Variants in KLHL1 observed in about 807,000 individuals in gnomAD.
KLHL1 encodes kelch-like protein 1.
In KLHL1, 47 loss-of-function variants were observed where a neutral mutation model predicts 77.7. The ratio of observed to expected loss-of-function variants is 0.60; its 90% CI spans 0.48 to 0.77. The LOEUF (loss-of-function observed/expected upper bound fraction) is 0.77. Ranked by LOEUF, KLHL1 falls within the 30% of genes least tolerant of loss-of-function variation. The pLI, the probability that KLHL1 is intolerant of heterozygous loss-of-function variation, is 0.00. For missense variants in KLHL1, 925 were observed against 910.8 expected (o/e 1.02, Z -0.20); for synonymous variants, 360 against 325.2 (o/e 1.11, Z -1.15).
chr13:69,763,583 T>A (rs994779008), intron 7 of KLHL1, among the ~76,000 whole-genome samples: 1 of 152,228 alleles, frequency 6.6e-6, no homozygotes, highest in African/African-American at 2.4e-5. Context: ...AACCTATGAA[T>A]GATGTGCTGA....
At chr13:70,018,896 A>G (rs985029184) in intron 1 of KLHL1, among the ~76,000 whole-genome samples, 1 of 152,230 alleles carries the variant, frequency 6.6e-6, no homozygotes, top group African/African-American at 2.4e-5. Context: ...GGACAGGAGG[A>G]AACAGAAGAG....
chr13:69,724,028 G>T (rs2137902226), intron 8 of KLHL1, among the ~76,000 whole-genome samples: 1 of 152,054 alleles, frequency 6.6e-6, no homozygotes, highest in African/African-American at 2.4e-5. Context: ...AGTAAAAACA[G>T]GGTTTCACCA....
rs1406841366 is a variant in KLHL1, at chr13:69,779,798, A to ATTTAT, written c.1639+16935_1639+16939dup. Among the ~76,000 whole-genome samples the ATTTAT allele has an allele frequency of 9.9e-3, 1,506 of 151,694 alleles. 31 individuals carry two copies. The highest frequency in any genetic ancestry group is 0.034 in the African/African-American group (1,406 of 41,390). ...ATTTCCTATGCAAAATTTATTTTTT[A>ATTTAT]TTTATTTTATTTTATTTTATTTTAT... On this transcript the variant is annotated intron_variant, in intron 7 of 10. Transcript: ENST00000377844.
chr13:70,003,005 A>G (rs1338991867), intron 1 of KLHL1, among the ~76,000 whole-genome samples: 1 of 151,706 alleles, frequency 6.6e-6, no homozygotes, highest in Non-Finnish European at 1.5e-5. Context: ...TAGATATGCA[A>G]ATAAATAATA....
chr13:69,744,663 C>A (rs948711979), intron 7 of KLHL1, among the ~76,000 whole-genome samples: 3 of 151,688 alleles, frequency 2.0e-5, no homozygotes, highest in Admixed American at 1.3e-4. Flanking sequence ...GGTACACCCC[C>A]CCCAAAAGCT....
intron 1 of KLHL1, among the ~76,000 whole-genome samples, chr13:69,992,147 T>G (rs1028473786): frequency 6.6e-6 from 1 of 152,002 alleles, no homozygotes; most frequent in African/African-American, 2.4e-5. Flanking sequence ...AAACACTTCA[T>G]TTTATGAAAT....
chr13:69,759,869 A>G (rs1335858889), intron 7 of KLHL1, among the ~76,000 whole-genome samples: 2 of 152,194 alleles, frequency 1.3e-5, no homozygotes, highest in African/African-American at 2.4e-5. Flanking sequence ...TTGCCAGGCA[A>G]AGCACCTGAA....
At chr13:69,863,337 T>G (rs746107999) in intron 5 of KLHL1, among the ~76,000 whole-genome samples, 2 of 99,552 alleles carry the variant, frequency 2.0e-5, no homozygotes, top group Admixed American at 1.9e-4. Context: ...AGGAAGCAAA[T>G]AGAATAGAAA....
chr13:70,020,977 A>T (rs1435905500), intron 1 of KLHL1, among the ~76,000 whole-genome samples: 2 of 152,042 alleles, frequency 1.3e-5, no homozygotes, highest in Non-Finnish European at 2.9e-5. Flanking sequence ...TATTATCAAC[A>T]TCCCCCACCA....
intron 8 of KLHL1, among the ~76,000 whole-genome samples, chr13:69,736,716 ATAC>A (rs1336843557): frequency 6.6e-6 from 1 of 151,800 alleles, no homozygotes; most frequent in Non-Finnish European, 1.5e-5. Flanking sequence ...ACACCATGGA[ATAC>A]TACTCAGCCA....
intron 1 of KLHL1, among the ~76,000 whole-genome samples, chr13:70,086,618 GAAAGAAAGAAAGAAA>G (rs1566564322): frequency 1.9e-5 from 1 of 53,408 alleles, no homozygotes; most frequent in Non-Finnish European, 4.1e-5. Context: ...AAGAAAGAAA[GAAAGAAAGAAAGAAA>G]AAAGAAAAAG....
At chr13:70,010,148 A>T (rs1057023630) in intron 1 of KLHL1, among the ~76,000 whole-genome samples, 1 of 152,206 alleles carries the variant, frequency 6.6e-6, no homozygotes, top group Admixed American at 6.6e-5. Flanking sequence ...AAATGGCAGG[A>T]AACTTTTTTC....
At chr13:69,746,464 T>G (rs1268544716) in intron 7 of KLHL1, among the ~76,000 whole-genome samples, 8 of 152,052 alleles carry the variant, frequency 5.3e-5, no homozygotes, top group Non-Finnish European at 1.0e-4. Flanking sequence ...CTGATTTATC[T>G]AATTAATCAG....
chr13:69,792,417 T>C (rs1018805140), intron 7 of KLHL1, among the ~76,000 whole-genome samples: 6 of 152,106 alleles, frequency 3.9e-5, no homozygotes, highest in Admixed American at 1.3e-4. Context: ...TAGGCAAAAA[T>C]GTGAAGAAAC....
At chr13:69,855,949 T>A (rs1027092031) in intron 5 of KLHL1, among the ~76,000 whole-genome samples, 2 of 147,566 alleles carry the variant, frequency 1.4e-5, no homozygotes, top group Non-Finnish European at 3.0e-5. Flanking sequence ...TTATATATTA[T>A]ATATGTTATA....
intron 1 of KLHL1, among the ~76,000 whole-genome samples, chr13:69,985,017 A>G (rs1044898814): frequency 1.3e-5 from 2 of 152,010 alleles, no homozygotes; most frequent in Non-Finnish European, 1.5e-5. Context: ...AGGCTGAAGC[A>G]GGGAGGATCG....
chr13:69,969,492 A>G (rs1421401148), intron 2 of KLHL1, among the ~76,000 whole-genome samples: 2 of 152,114 alleles, frequency 1.3e-5, no homozygotes, highest in African/African-American at 4.8e-5. Flanking sequence ...AACTATAATA[A>G]ACTAGAGGAT....
chr13:70,084,722 G>A (rs1427751685), intron 1 of KLHL1, among the ~76,000 whole-genome samples: 2 of 138,516 alleles, frequency 1.4e-5, no homozygotes, highest in Admixed American at 8.0e-5. Flanking sequence ...TGATCCACCC[G>A]CCTCGGCCTC....
intron 1 of KLHL1, among the ~76,000 whole-genome samples, chr13:70,069,058 T>A (rs1188638941): frequency 6.6e-6 from 1 of 152,164 alleles, no homozygotes; most frequent in Non-Finnish European, 1.5e-5. Flanking sequence ...TTGCCAGAAC[T>A]AACCTATTGA....
Sources: gnomAD v4.1 joint callset for allele counts (sites outside exome capture counted in the v4.1 genomes callset) on GRCh38, gnomAD v4.1.1 for gene constraint, MANE v1.5 for transcripts, NCBI Gene and HGNC (gene_info 2026-07-23, HGNC 2026-07-21) for gene names.